KIFC3: variants seen among roughly 807,000 people sequenced by gnomAD.
KIFC3 encodes kinesin family member C3, also known as kinesin-like protein KIFC3.
A neutral mutation model predicts 101.8 loss-of-function variants in KIFC3; 60 were observed. The ratio of observed to expected loss-of-function variants is 0.59; its 90% confidence interval spans 0.48 to 0.73. KIFC3 has a LOEUF of 0.73. Among genes scored for constraint, KIFC3 ranks in the 30% least tolerant of loss-of-function variants. The probability of loss-of-function intolerance (pLI) is 0.00; values close to 1 mark genes in which losing one functional copy is unlikely to be tolerated. For synonymous variants in KIFC3, 476 were observed against 482.7 expected, an observed-to-expected ratio of 0.99 and a Z score of 0.18; for missense variants, 966 against 1,137.1, an observed-to-expected ratio of 0.85 and a Z score of 2.16.
chr16:57,787,775 C>A (rs1186396130), intron 3 of KIFC3, among the ~76,000 whole-genome samples: 1 of 152,186 alleles, frequency 6.6e-6, no homozygotes, highest in African/African-American at 2.4e-5. Context: ...CAGAGGAGTG[C>A]CTGGGCCCAG....
At chr16:57,778,571 A>G (rs568046786) in intron 3 of KIFC3, among the ~76,000 whole-genome samples, 6 of 152,344 alleles carry the variant, frequency 3.9e-5, no homozygotes, top group African/African-American at 1.4e-4. Context: ...ATAAAGAACT[A>G]TAACTCAACA....
At chr16:57,832,321 C>CT (rs1165977084) in intron 1 of KIFC3, among the ~76,000 whole-genome samples, 10,605 of 73,382 alleles carry the variant, frequency 0.14, 2,203 homozygotes, top group East Asian at 0.21. Flanking sequence ...GCGCCAGGCC[C>CT]TTTTTTTTTT....
chr16:57,759,678 G>A, intron 18 of KIFC3, 50 bp downstream of exon 18: 1 of 1,390,964 alleles, frequency 7.2e-7, no homozygotes. Context: ...GCAGCCTGGT[G>A]ACTATTACCC....
At chr16:57,767,531 A>G (rs1161346111) in intron 9 of KIFC3, among the ~76,000 whole-genome samples, 2 of 152,222 alleles carry the variant, frequency 1.3e-5, no homozygotes, top group Non-Finnish European at 1.5e-5. Context: ...TACAGTGTAT[A>G]CAGTCTTCCC....
chr16:57,790,636 A>C (rs1206398690), intron 3 of KIFC3, among the ~76,000 whole-genome samples: 1 of 152,118 alleles, frequency 6.6e-6, no homozygotes, highest in Admixed American at 6.5e-5. Context: ...CTCATTCTTA[A>C]AATAAAAATG....
upstream of KIFC3, chr16:57,803,431 C>A: frequency 2.0e-6 from 1 of 492,816 alleles, no homozygotes; most frequent in Middle Eastern, 3.1e-4. Context: ...CTGAAGCCAG[C>A]CCATGCAGGC....
rs1417764052 is a variant in KIFC3 at position 57,802,082 on chromosome 16, G to A, written c.-40+288C>T. On this transcript the variant is annotated intron_variant, in intron 1 of 19. Coordinates refer to ENST00000445690, the MANE Select transcript of KIFC3 (RefSeq NM_001130100.2). This position sits in a 1 kb window ranked among gnomAD's most constrained non-coding sequence, Gnocchi z 5.0. ...CAAGCCCATCCCGGGTAGGGTCTGC[G>A]CTCTTCTCGTTCAATAAAATCCAAA... 1.3e-5 allele frequency among the ~76,000 whole-genome samples: 2 copies of A among 152,232 alleles called. No homozygotes were observed. The highest frequency in any genetic ancestry group is 2.9e-5 in the Non-Finnish European group (2 of 68,030).
At chr16:57,846,888 T>C (rs2055931046) in intron 1 of KIFC3, among the ~76,000 whole-genome samples, 1 of 152,232 alleles carries the variant, frequency 6.6e-6, no homozygotes, top group South Asian at 2.1e-4. Flanking sequence ...TTCTGTGGCA[T>C]AAGAAATATA....
At chr16:57,793,334 T>C (rs545294276) in intron 3 of KIFC3, among the ~76,000 whole-genome samples, 31 of 149,940 alleles carry the variant, frequency 2.1e-4, no homozygotes, top group Admixed American at 4.0e-4. Flanking sequence ...GGCTCACACC[T>C]GTAATCCCAG....
chr16:57,795,516 TGGCTTTATTACCCCGGC>T (rs1359171584), intron 2 of KIFC3, among the ~76,000 whole-genome samples: 1 of 152,220 alleles, frequency 6.6e-6, no homozygotes, highest in Admixed American at 6.5e-5. Flanking sequence ...ACAGGGGCTA[TGGCTTTATTACCCCGGC>T]TGCCTCTAGG....
intron 1 of KIFC3, among the ~76,000 whole-genome samples, chr16:57,820,746 C>T: frequency 6.6e-6 from 1 of 152,202 alleles, no homozygotes; most frequent in East Asian, 1.9e-4. Flanking sequence ...GTCTTGTTCC[C>T]TGCTGACTCC....
chr16:57,762,884 TG>T (rs1375572905), intron 12 of KIFC3, among the ~76,000 whole-genome samples: 1 of 152,188 alleles, frequency 6.6e-6, no homozygotes, highest in African/African-American at 2.4e-5. Flanking sequence ...TGGCATGCTC[TG>T]GCCTCTTGGC....
At chr16:57,820,657 A>G (rs1026776796) in intron 1 of KIFC3, among the ~76,000 whole-genome samples, 14 of 152,358 alleles carry the variant, frequency 9.2e-5, no homozygotes, top group African/African-American at 2.9e-4. Context: ...TGCACTTAGC[A>G]AAACCTATGA....
chr16:57,771,909 G>C lies in KIFC3; in HGVS notation c.382-223C>G, dbSNP rs547923085. ...ACAGTGGAGGGCAGAGTTGAGAAGG[G>C]TGGTGACCCAGAGCCTGCTCTCCCT... On this transcript the variant is annotated intron_variant, in intron 4 of 19. Coordinates refer to ENST00000445690, the MANE Select transcript of KIFC3 (RefSeq NM_001130100.2). 2.6e-5 allele frequency among the ~76,000 whole-genome samples: 4 copies of C among 152,292 alleles called. No individual in the cohort carries two copies. The East Asian group carries it at 7.7e-4, about 29-fold the overall frequency.
At chr16:57,768,430 T>C (rs1280653753) in intron 9 of KIFC3, among the ~76,000 whole-genome samples, 5 of 152,008 alleles carry the variant, frequency 3.3e-5, no homozygotes, top group South Asian at 2.1e-4. Context: ...GTTAATTTTT[T>C]TCAACTATTT....
rs975136680 is a variant in KIFC3 at position 57,769,048 on chromosome 16, G to A, written c.1218+547C>T. Among the ~76,000 whole-genome samples, 3 of 152,088 alleles carry A rather than the reference G, an allele frequency of 2.0e-5. No individual in the cohort carries two copies. The highest frequency in any genetic ancestry group is 4.4e-5 in the Non-Finnish European group (3 of 67,988). ...TACGTATGTAGCATGTTTTTTGTTT[G>A]TTTTTGAGATAAAGTCTCGCTGTCA... On this transcript the variant is annotated intron_variant, in intron 9 of 19. Transcript: ENST00000445690. This position sits in a 1 kb window ranked among gnomAD's most constrained non-coding sequence, Gnocchi z 4.3.
intron 3 of KIFC3, chr16:57,779,751 T>C (rs1272287668): frequency 2.6e-5 from 4 of 151,990 alleles, no homozygotes; most frequent in African/African-American, 9.7e-5. Flanking sequence ...GAGGCGAAAG[T>C]TGCAGTGAGC....
chr16:57,773,550 G>A (rs781987395), intron 3 of KIFC3, among the ~76,000 whole-genome samples: 3 of 151,906 alleles, frequency 2.0e-5, no homozygotes, highest in East Asian at 1.9e-4. Context: ...GCTGTAATCC[G>A]GGGGGTTAGG....
intron 17 of KIFC3, 129 bp from the exon 18 acceptor site, chr16:57,759,965 G>C: frequency 4.4e-6 from 3 of 674,982 alleles, no homozygotes; most frequent in Non-Finnish European, 7.4e-6. Flanking sequence ...TGGGCATGAT[G>C]TTTGTGCCCC....
Sources: allele counts gnomAD v4.1 joint callset (sites outside exome capture counted in the v4.1 genomes callset), GRCh38; gene constraint gnomAD v4.1.1; non-coding constraint Gnocchi (gnomAD v3.1); transcripts MANE v1.5; gene names NCBI Gene and HGNC (gene_info 2026-07-23, HGNC 2026-07-21).